The following P2RX7 variants were observed in gnomAD, a reference collection of about 807,000 sequenced individuals.
P2RX7 encodes the protein purinergic receptor P2X 7.
Under a neutral mutation model 71.6 loss-of-function variants are expected in P2RX7, and 62 were observed. That is an observed-to-expected ratio of 0.87 (90% CI 0.71 to 1.07). The LOEUF (loss-of-function observed/expected upper bound fraction) is 1.07, where lower values mean the gene tolerates loss of function less well. Among genes scored for constraint, P2RX7 ranks in the 50% least tolerant of loss-of-function variants. The pLI, the probability that P2RX7 is intolerant of heterozygous loss-of-function variation, is 0.00. For missense variants in P2RX7, 686 were observed against 748.5 expected (o/e 0.92, Z 0.97); for synonymous variants, 299 against 283.3 (o/e 1.06, Z -0.56).
intron 1 of P2RX7, among the ~76,000 whole-genome samples, chr12:121,133,401 A>C (rs1478146371): frequency 6.6e-6 from 1 of 152,246 alleles, no homozygotes; most frequent in Non-Finnish European, 1.5e-5. Flanking sequence ...CTGGATCCCC[A>C]GGGAGGAGGC....
chr12:121,133,170 G>C, intron 1 of P2RX7, 75 bp downstream of exon 1: 1 of 1,530,500 alleles, frequency 6.5e-7, no homozygotes, highest in Non-Finnish European at 9.0e-7. Context: ...GCAGCTTCAG[G>C]TGCACATTCT....
At chr12:121,151,135 G>T in intron 1 of P2RX7, among the ~76,000 whole-genome samples, 1 of 152,112 alleles carries the variant, frequency 6.6e-6, no homozygotes. Flanking sequence ...GAGATGGGAG[G>T]ATCACTTGAG....
In P2RX7 at chr12:121,173,688, G is replaced by A. The variant is rs189005738; in HGVS notation, c.882-1700G>A. 2.9e-3 allele frequency among the ~76,000 whole-genome samples: 445 copies of A among 152,304 alleles called. 3 individuals carry two copies. The highest frequency in any genetic ancestry group is 0.01 in the African/African-American group (436 of 41,566). ...AAGGCAGGACTAGGGAAACAGCTTA[G>A]GGTTAACTACTTTGAATAATGCCAG... On this transcript the variant is annotated intron_variant, in intron 8 of 12. Transcript: ENST00000328963.
intron 2 of P2RX7, among the ~76,000 whole-genome samples, chr12:121,155,740 C>T (rs1878440485): frequency 6.6e-6 from 1 of 152,000 alleles, no homozygotes; most frequent in South Asian, 2.1e-4. Context: ...TGCTCCCCTA[C>T]CCTCGCCTCC....
intron 1 of P2RX7, among the ~76,000 whole-genome samples, chr12:121,133,579 T>C (rs1872884486): frequency 6.6e-6 from 1 of 152,230 alleles, no homozygotes; most frequent in Non-Finnish European, 1.5e-5. Flanking sequence ...TGAGATATAA[T>C]TTATACACCA....
chr12:121,141,925 C>A (rs1874977949), intron 1 of P2RX7, among the ~76,000 whole-genome samples: 1 of 152,112 alleles, frequency 6.6e-6, no homozygotes, highest in South Asian at 2.1e-4. Flanking sequence ...AACAGGAGAC[C>A]CAAGCTTTCC....
chr12:121,149,689 C>T lies in P2RX7; in HGVS notation c.126-5096C>T, dbSNP rs989618082. On this transcript the variant is annotated intron_variant, in intron 1 of 12. Transcript: ENST00000328963. This position sits in a 1 kb window ranked among gnomAD's most constrained non-coding sequence, Gnocchi z 4.7. ...GACACAGCCAAACCATATCAGTGGC[C>T]CTGGCTTCTCTCCCATTAGCTCTGT... 2.0e-5 allele frequency among the ~76,000 whole-genome samples: 3 copies of T among 152,108 alleles called. No homozygotes were observed. Among genetic ancestry groups the T allele is most frequent in the Admixed American group, 2.0e-4 (3 of 15,268 alleles).
rs1186223157 is a variant in P2RX7 at position 121,187,218 on chromosome 12, T to C, written c.*2416T>C. ...CTGATGAAGGATCTGTGAATTTTTT[T>C]ATATATGTTCTAAGAGTTACCATTT... On this transcript the variant is annotated 3_prime_UTR_variant, in exon 13 of 13. Coordinates refer to ENST00000328963, the MANE Select transcript of P2RX7 (RefSeq NM_002562.6). 6.6e-6 allele frequency: 1 copy of C among 152,244 alleles called. No homozygotes were observed. Among genetic ancestry groups the C allele is most frequent in the African/African-American group, 2.4e-5 (1 of 41,462 alleles). 9.4% of individuals were successfully genotyped at this position (152,244 alleles called of 1,614,324 possible).
chr12:121,162,558 C>T (rs201551247), intron 5 of P2RX7, 38 bp downstream of exon 5: 46 of 1,604,440 alleles, frequency 2.9e-5, no homozygotes, highest in South Asian at 4.4e-5. Flanking sequence ...TGGCCCTCAG[C>T]GGCGACCAGA....
chr12:121,162,305 G>A, intron 4 of P2RX7, 119 bp from the exon 5 acceptor site: 9 of 1,471,246 alleles, frequency 6.1e-6, no homozygotes, highest in Non-Finnish European at 8.1e-6. Context: ...TGCGTGGGTT[G>A]GAAAGCCTGG....
chr12:121,176,319 G>T (rs1052767118), intron 9 of P2RX7, among the ~76,000 whole-genome samples: 1 of 151,672 alleles, frequency 6.6e-6, no homozygotes, highest in Non-Finnish European at 1.5e-5. Flanking sequence ...AAGATGGAAG[G>T]AAAAGATGCC....
intron 8 of P2RX7, among the ~76,000 whole-genome samples, chr12:121,171,468 G>A (rs764789958): frequency 6.7e-5 from 10 of 149,748 alleles, no homozygotes; most frequent in African/African-American, 2.5e-4. Context: ...GGGCTCAAGC[G>A]ATTTGATCTC....
intron 1 of P2RX7, among the ~76,000 whole-genome samples, chr12:121,152,765 G>T (rs528974608): frequency 6.6e-6 from 1 of 152,164 alleles, no homozygotes; most frequent in Non-Finnish European, 1.5e-5. Context: ...TGATCCATCC[G>T]CCTTGGCATC....
rs141494157 is a variant in P2RX7, at chr12:121,184,583, G to A, written c.1569G>A (p.Leu523=). 6.2e-7 allele frequency: 1 copy of A among 1,614,116 alleles called. No individual in the cohort carries two copies. The part of the protein sequence containing the change: ...FRKLVLSRHV[L]QFLLLYQEPL... ...AGCTGGTCCTGTCCAGACACGTCCT[G>A]CAGTTCCTCCTGCTCTACCAGGAGC... is the stretch of plus-strand genomic sequence containing the variant. The change falls in exon 13 of 13, where the codon CTG becomes CTA. Residue 523 remains leucine (L), a synonymous_variant. Coordinates refer to ENST00000328963, the MANE Select transcript of P2RX7 (RefSeq NM_002562.6).
Position 121,175,465 on chromosome 12 carries a change from T to C in P2RX7, c.959T>C (p.Leu320Pro), listed in dbSNP as rs73403850. The C allele has an allele frequency of 8.0e-4, 1,177 of 1,469,704 alleles. 10 individuals carry two copies. The African/African-American group carries it at 0.014, about 17-fold the overall frequency. 91.0% of individuals were successfully genotyped at this position (1,469,704 alleles called of 1,614,324 possible). The change falls in exon 9 of 13, where the codon CTG becomes CCG. Residue 320 changes from leucine (L) to proline (P), a missense_variant. Physicochemically the swap from Leu to Pro is moderately conservative, Grantham distance 98. Coordinates refer to ENST00000328963, the MANE Select transcript of P2RX7 (RefSeq NM_002562.6). ...IKVFGIRFDI[L>P]VFGTGGKFDI... Reference sequence around the variant, plus strand: ...GTCTTCGGGATCCGTTTTGACATCCTGGTTTTTGGCACCGTAAGTCTCGTT... The same window carrying C: ...GTCTTCGGGATCCGTTTTGACATCCCGGTTTTTGGCACCGTAAGTCTCGTT...
intron 7 of P2RX7, among the ~76,000 whole-genome samples, 186 bp downstream of exon 7, chr12:121,166,373 A>G (rs1250234726): frequency 6.6e-6 from 1 of 152,222 alleles, no homozygotes; most frequent in Non-Finnish European, 1.5e-5. Context: ...AACAATCCTT[A>G]TGAGTGAGAG....
intron 12 of P2RX7, among the ~76,000 whole-genome samples, chr12:121,182,254 G>A (rs919039085): frequency 6.6e-6 from 1 of 152,050 alleles, no homozygotes; most frequent in African/African-American, 2.4e-5. Context: ...CTAATATTTA[G>A]GATTTTTACA....
Position 121,141,699 on chromosome 12 carries a change from C to T in P2RX7, c.125+8604C>T, listed in dbSNP as rs76842630. The stretch of plus-strand genomic sequence containing the variant: ...CTTGAAATATAACACCTACTGAGTA[C>T]TGCTGAGGACTTAGCATGTGCCGGG... On this transcript the variant is annotated intron_variant, in intron 1 of 12. Transcript: ENST00000328963. 3.8e-3 allele frequency among the ~76,000 whole-genome samples: 572 copies of T among 152,274 alleles called. 2 individuals are homozygous for T. Among genetic ancestry groups the T allele is most frequent in the Middle Eastern group, 0.017 (5 of 294 alleles).
intron 9 of P2RX7, among the ~76,000 whole-genome samples, 183 bp downstream of exon 9, chr12:121,175,661 C>T (rs1338415584): frequency 1.3e-5 from 2 of 152,020 alleles, no homozygotes; most frequent in Admixed American, 1.3e-4. Context: ...AGTCATCTGA[C>T]GAGTACAGGA....
Sources: gnomAD v4.1 joint callset for allele counts (sites outside exome capture counted in the v4.1 genomes callset) on GRCh38, gnomAD v4.1.1 for gene constraint, Gnocchi (gnomAD v3.1) non-coding constraint, MANE v1.5 for transcripts, NCBI Gene and HGNC (gene_info 2026-07-23, HGNC 2026-07-21) for gene names.